CSTA: variants seen among roughly 807,000 people sequenced by gnomAD.
CSTA encodes cystatin-A.
A neutral mutation model predicts 9.2 loss-of-function variants in CSTA; 9 were observed. That is an observed-to-expected ratio of 0.97 (90% CI 0.59 to 1.70). The LOEUF is 1.70. Among genes scored for constraint, CSTA ranks in the 40% most tolerant of loss-of-function variants. The probability of loss-of-function intolerance (pLI) is 0.00; values close to 1 mark genes in which losing one functional copy is unlikely to be tolerated. For synonymous variants in CSTA, 36 were observed against 40.6 expected, an observed-to-expected ratio of 0.89 and a Z score of 0.43; for missense variants, 118 against 113.1, an observed-to-expected ratio of 1.04 and a Z score of -0.20.
At chr3:122,332,012 C>T (rs2075207363) in intron 1 of CSTA, among the ~76,000 whole-genome samples, 1 of 152,194 alleles carries the variant, frequency 6.6e-6, no homozygotes. Context: ...GTTCCCACTC[C>T]TATGAGAATC....
chr3:122,331,798 G>A (rs2075206386), intron 1 of CSTA, among the ~76,000 whole-genome samples: 1 of 152,078 alleles, frequency 6.6e-6, no homozygotes, highest in Non-Finnish European at 1.5e-5. Context: ...CACCCCCATG[G>A]TCCCTCCAGC....
intron 2 of CSTA, among the ~76,000 whole-genome samples, chr3:122,340,411 T>C (rs1209258100): frequency 6.6e-6 from 1 of 152,172 alleles, no homozygotes; most frequent in Admixed American, 6.5e-5. Flanking sequence ...TTCAAGCGAT[T>C]CTCCTGCTTC....
At chr3:122,335,238 C>T (rs1250219556) in intron 1 of CSTA, among the ~76,000 whole-genome samples, 1 of 152,178 alleles carries the variant, frequency 6.6e-6, no homozygotes, top group East Asian at 1.9e-4. Context: ...AATGATGGCC[C>T]TCCAAAGATG....
chr3:122,334,014 G>T (rs985612025), intron 1 of CSTA, among the ~76,000 whole-genome samples: 1 of 152,132 alleles, frequency 6.6e-6, no homozygotes, highest in Non-Finnish European at 1.5e-5. Context: ...GCCAAGTACT[G>T]GCCATCCCTC....
chr3:122,332,312 C>T (rs1418303875), intron 1 of CSTA, among the ~76,000 whole-genome samples: 6 of 152,172 alleles, frequency 3.9e-5, no homozygotes, highest in African/African-American at 1.4e-4. Context: ...ATCCTCAATG[C>T]CTTGTCCCAT....
At chr3:122,332,481 A>G (rs2075210401) in intron 1 of CSTA, among the ~76,000 whole-genome samples, 1 of 152,122 alleles carries the variant, frequency 6.6e-6, no homozygotes. Flanking sequence ...ATATCTTTCT[A>G]TCTATTTTCT....
intron 2 of CSTA, among the ~76,000 whole-genome samples, chr3:122,339,605 C>T (rs114296463): frequency 4.7e-4 from 71 of 152,300 alleles, no homozygotes; most frequent in African/African-American, 1.7e-3. Flanking sequence ...GTAATCCGAA[C>T]ACTTTGGGAG....
intron 1 of CSTA, among the ~76,000 whole-genome samples, chr3:122,335,833 T>C (rs2075233828): frequency 6.6e-6 from 1 of 151,980 alleles, no homozygotes. Context: ...GGTTTCATCA[T>C]GTTGGTCACA....
intron 1 of CSTA, among the ~76,000 whole-genome samples, chr3:122,332,674 T>G (rs905441138): frequency 1.3e-5 from 2 of 152,146 alleles, no homozygotes; most frequent in African/African-American, 4.8e-5. Context: ...TTATACCAGG[T>G]GCTTCTCCCT....
At chr3:122,336,533 C>G (rs1415534488) in intron 1 of CSTA, among the ~76,000 whole-genome samples, 2 of 152,118 alleles carry the variant, frequency 1.3e-5, no homozygotes, top group African/African-American at 4.8e-5. Context: ...TGGCAGAATT[C>G]CAGATAATAA....
Sources: gnomAD v4.1 joint callset for allele counts (sites outside exome capture counted in the v4.1 genomes callset) on GRCh38, gnomAD v4.1.1 for gene constraint, MANE v1.5 for transcripts, NCBI Gene and HGNC (gene_info 2026-07-23, HGNC 2026-07-21) for gene names.